The following LMNA variants were observed in gnomAD, a reference collection of about 807,000 sequenced individuals.
LMNA encodes lamin.
A neutral mutation model predicts 70.4 loss-of-function variants in LMNA; 20 were observed. The ratio of observed to expected loss-of-function variants is 0.28; its 90% CI spans 0.20 to 0.41. The LOEUF (loss-of-function observed/expected upper bound fraction) is 0.41, where lower values mean the gene tolerates loss of function less well. Ranked by LOEUF, LMNA falls within the 10% of genes least tolerant of loss-of-function variation. The probability of loss-of-function intolerance (pLI) is 1.00; values close to 1 mark genes in which losing one functional copy is unlikely to be tolerated. For missense variants in LMNA, 652 were observed against 917.2 expected, an observed-to-expected ratio of 0.71 and a Z score of 3.73; for synonymous variants, 339 against 372.8, an observed-to-expected ratio of 0.91 and a Z score of 1.04.
In LMNA at chr1:156,084,285, A is replaced by G. The variant is rs551641275; in HGVS notation, c.-319+1101A>G. On this transcript the variant is annotated intron_variant, in intron 2 of 12. Transcript: ENST00000368301. ...TTTCTTGGAAAGAGTGAATTTGCAC[A>G]CTAATGGGAGTGCTGGAACCTGAGC... is the stretch of plus-strand genomic sequence containing the variant. 7.8e-5 allele frequency among the ~76,000 whole-genome samples: 10 copies of G among 127,986 alleles called. No homozygotes were observed. In the South Asian group the frequency reaches 2.6e-3, roughly 33 times the overall value. 84.0% of individuals were successfully genotyped at this position (127,986 alleles called of 152,430 possible).
At chr1:156,119,456 G>C (rs1328935725) in intron 1 of LMNA, among the ~76,000 whole-genome samples, 1 of 152,146 alleles carries the variant, frequency 6.6e-6, no homozygotes, top group Non-Finnish European at 1.5e-5. Context: ...GTTTCACCGT[G>C]TTGCCCAAGC....
chr1:156,112,388 A>G (rs773020102), upstream of LMNA, among the ~76,000 whole-genome samples: 1 of 152,182 alleles, frequency 6.6e-6, no homozygotes, highest in South Asian at 2.1e-4. Context: ...TCTCAAAAAA[A>G]GAGCGGGGAG....
At chr1:156,092,912 A>G (rs1272852640) in intron 3 of LMNA, among the ~76,000 whole-genome samples, 1 of 143,246 alleles carries the variant, frequency 7.0e-6, no homozygotes, top group Non-Finnish European at 1.5e-5. Context: ...TTTTTGAGAC[A>G]GAGGAGTCTT....
At chr1:156,094,256 C>T (rs1486848566) in intron 3 of LMNA, among the ~76,000 whole-genome samples, 1 of 152,198 alleles carries the variant, frequency 6.6e-6, no homozygotes, top group Non-Finnish European at 1.5e-5. Flanking sequence ...GGGCTTTGCA[C>T]ACACTGTTCC....
intron 3 of LMNA, among the ~76,000 whole-genome samples, chr1:156,093,174 G>T (rs1334933320): frequency 1.3e-5 from 2 of 151,954 alleles, no homozygotes; most frequent in African/African-American, 4.8e-5. Flanking sequence ...ACAGGTGTGA[G>T]CCACCACTCC....
rs1553259238 is a variant in LMNA at position 156,084,330 on chromosome 1, G to GGGGT, written c.-319+1149_-319+1150insTGGG. On this transcript the variant is annotated intron_variant, in intron 2 of 12. Coordinates refer to the LMNA transcript ENST00000368301. ...CTGAGCTGAGGATCTCAGAAGGTCG[G>GGGGT]GGGGTGGTGGGGGCAGTTGGCACAC... 2.2e-5 allele frequency among the ~76,000 whole-genome samples: 2 copies of GGGGT among 90,072 alleles called. 1 individual carries two copies. Among genetic ancestry groups the GGGGT allele is most frequent in the African/African-American group, 1.4e-4 (2 of 14,656 alleles). 59.1% of individuals were successfully genotyped at this position (90,072 alleles called of 152,430 possible). A position where few individuals can be genotyped will look rare whatever the true frequency, so the allele number is the denominator to read the frequency against.
In LMNA at chr1:156,135,103, G is replaced by A. The variant is rs1490154633; in HGVS notation, c.811-84G>A. 2.5e-6 allele frequency: 4 copies of A among 1,611,178 alleles called. No homozygotes were observed. Among genetic ancestry groups the A allele is most frequent in the East Asian group, 2.2e-5 (1 of 44,876 alleles). On this transcript the variant is annotated intron_variant, in intron 4 of 11. Coordinates refer to ENST00000368300, the MANE Select transcript of LMNA (RefSeq NM_170707.4). The surrounding 1 kb of genome is among the most constrained non-coding windows in gnomAD (Gnocchi z 4.8). The stretch of plus-strand genomic sequence containing the variant: ...GAGCTCAGGGTGGCCCAGGACCTGG[G>A]GCTGTAGCAGTGATGCCCAACTCAG...
chr1:156,116,313 A>T (rs1262589519), intron 1 of LMNA, among the ~76,000 whole-genome samples: 1 of 151,500 alleles, frequency 6.6e-6, no homozygotes, highest in Non-Finnish European at 1.5e-5. Flanking sequence ...GATTCAGGCC[A>T]CTCCCACTTT....
intron 3 of LMNA, among the ~76,000 whole-genome samples, chr1:156,099,892 A>T (rs1406951370): frequency 6.6e-6 from 1 of 151,168 alleles, no homozygotes; most frequent in Non-Finnish European, 1.5e-5. Context: ...AAAAAAGAAA[A>T]ATGCCCATGT....
intron 3 of LMNA, among the ~76,000 whole-genome samples, chr1:156,095,435 C>T (rs185979301): frequency 6.2e-4 from 94 of 151,480 alleles, no homozygotes; most frequent in Admixed American, 3.9e-3. Context: ...GTTTCCTCTT[C>T]TCAAGTGATT....
chr1:156,111,260 C>T (rs1649528793), upstream of LMNA, among the ~76,000 whole-genome samples: 2 of 151,926 alleles, frequency 1.3e-5, no homozygotes, highest in South Asian at 2.1e-4. Context: ...ACCAGCCTGG[C>T]CAACATGGTG....
Position 156,136,085 on chromosome 1 carries a change from A to AAG in LMNA, c.1121_1122insAG (p.His374GlnfsTer107). 1 of 1,613,990 alleles carries AAG rather than the reference A, an allele frequency of 6.2e-7. No homozygotes were observed. The highest frequency in any genetic ancestry group is 8.5e-7 in the Non-Finnish European group (1 of 1,180,038). Reference sequence around the variant, plus strand: ...AAGCTGGCCCTGGACATGGAGATCCACGCCTACCGCAAGCTCTTGGAGGGC... The same window carrying AAG: ...AAGCTGGCCCTGGACATGGAGATCCAAGCGCCTACCGCAAGCTCTTGGAGGGC... On this transcript the variant is annotated frameshift_variant, in exon 6 of 12. Coordinates refer to ENST00000368300, the MANE Select transcript of LMNA (RefSeq NM_170707.4). LOFTEE classifies it high-confidence loss of function. This position sits in a 1 kb window ranked among gnomAD's most constrained non-coding sequence, Gnocchi z 6.1.
In LMNA at chr1:156,139,303, C is replaced by CAAAAAA. The variant is rs200317083; in HGVS notation, c.*206_*211dup. The CAAAAAA allele has an allele frequency of 1.0e-6, 1 of 990,194 alleles. No individual in the cohort carries two copies. The highest frequency in any genetic ancestry group is 1.8e-5 in the African/African-American group (1 of 56,326). The allele number at this position is 990,194 out of a possible 1,614,324, so 61.3% of individuals were successfully genotyped here. A position where few individuals can be genotyped will look rare whatever the true frequency, so the allele number is the denominator to read the frequency against. On this transcript the variant is annotated 3_prime_UTR_variant, in exon 12 of 12. Coordinates refer to ENST00000368300, the MANE Select transcript of LMNA (RefSeq NM_170707.4). ...TTTTATACTGAAGGAAAAACACAAG[C>CAAAAAA]AAAAAAAAAAAAAAGCATCTATCTC...
upstream of LMNA, among the ~76,000 whole-genome samples, chr1:156,114,460 A>T (rs1649660794): frequency 6.6e-6 from 1 of 152,114 alleles, no homozygotes; most frequent in African/African-American, 2.4e-5. Flanking sequence ...GGTCTGAGGC[A>T]ATGGGGGCAA....
At position 156,084,651 on chromosome 1, in the gene LMNA, T is replaced by A. The variant is rs558101061; in HGVS notation, c.-319+1467T>A. ...TGGTACTGGGGACCATGGGGTCTCT[T>A]TGGGAGAAAGTTTTTGCTTTGTGGA... On this transcript the variant is annotated intron_variant, in intron 2 of 12. Coordinates refer to the LMNA transcript ENST00000368301. 1.2e-3 allele frequency among the ~76,000 whole-genome samples: 175 copies of A among 152,166 alleles called. 2 individuals are homozygous for A. Among genetic ancestry groups the A allele is most frequent in the Non-Finnish European group, 1.8e-4 (12 of 67,974 alleles).
intron 1 of LMNA, chr1:156,126,278 C>T: frequency 1.5e-6 from 2 of 1,292,960 alleles, no homozygotes; most frequent in Non-Finnish European, 2.1e-6. Flanking sequence ...GCTGGGCCAG[C>T]TCCTCCACCT....
intron 1 of LMNA, among the ~76,000 whole-genome samples, chr1:156,127,850 C>T (rs916995038): frequency 6.6e-6 from 1 of 152,080 alleles, no homozygotes; most frequent in Non-Finnish European, 1.5e-5. Context: ...CCTTGCCCGA[C>T]TAATTTTTGT....
chr1:156,118,928 C>T (rs1650012705), intron 1 of LMNA, among the ~76,000 whole-genome samples: 1 of 152,088 alleles, frequency 6.6e-6, no homozygotes, highest in Non-Finnish European at 1.5e-5. Context: ...CAAGAAGAAA[C>T]CCCTTTCGCC....
rs2102901721 is a variant in LMNA, at chr1:156,138,599, G to C, written c.1810G>C (p.Gly604Arg). 1 of 1,612,984 alleles carries C rather than the reference G, an allele frequency of 6.2e-7. No individual in the cohort carries two copies. The highest frequency in any genetic ancestry group is 2.2e-5 in the East Asian group (1 of 44,858). ...CGACAAGGCATCTGCCAGCGGCTCA[G>C]GAGCCCAGGTGGGCGGACCCATCTC... ...PADKASASGS[G>R]AQVGGPISSG... Residue 604 changes from glycine to arginine, a missense_variant, in exon 11 of 12, where the codon GGA becomes CGA. Physicochemically the swap from Gly to Arg is moderately radical, Grantham distance 125. Around this residue, in one of 4 missense-constraint regions of LMNA, gnomAD observed 327 missense variants for 387.6 expected, o/e 0.84. Coordinates refer to ENST00000368300, the MANE Select transcript of LMNA (RefSeq NM_170707.4). This position sits in a 1 kb window ranked among gnomAD's most constrained non-coding sequence, Gnocchi z 5.5.
Sources: allele counts gnomAD v4.1 joint callset (sites outside exome capture counted in the v4.1 genomes callset), GRCh38; gene constraint gnomAD v4.1.1; regional missense constraint gnomAD v4.1.1; non-coding constraint Gnocchi (gnomAD v3.1); transcripts MANE v1.5; gene names NCBI Gene and HGNC (gene_info 2026-07-23, HGNC 2026-07-21).